Variants in SHROOM2 observed in about 807,000 individuals in gnomAD.
SHROOM2 encodes the protein protein Shroom2.
A neutral mutation model predicts 75.9 loss-of-function variants in SHROOM2; 33 were observed. The observed-to-expected ratio is 0.43, with a 90% confidence interval of 0.33 to 0.58. SHROOM2 has a LOEUF of 0.58. SHROOM2 is among the 20% of genes least tolerant of loss of function. The pLI is 0.04. For missense variants in SHROOM2, 1,434 were observed against 1,461.2 expected (o/e 0.98, Z 0.30); for synonymous variants, 655 against 663.6 (o/e 0.99, Z 0.20).
intron 5 of SHROOM2, among the ~76,000 whole-genome samples, chrX:9,903,608 A>T (rs1477610096): frequency 9.0e-6 from 1 of 110,729 alleles, no homozygotes; most frequent in African/African-American, 3.3e-5. Flanking sequence ...CAGTAGTGCG[A>T]CCTCTGCTCA....
intron 1 of SHROOM2, among the ~76,000 whole-genome samples, chrX:9,794,724 G>A (rs1343037696): frequency 1.8e-5 from 2 of 111,778 alleles, no homozygotes; most frequent in Admixed American, 9.6e-5. Context: ...TTTACTGCCC[G>A]TGACTCTGGC....
At chrX:9,923,811 A>G (rs2084569769) in intron 5 of SHROOM2, among the ~76,000 whole-genome samples, 1 of 112,375 alleles carries the variant, frequency 8.9e-6, no homozygotes, top group Middle Eastern at 4.6e-3. Context: ...CCCCTCGAGA[A>G]ATCAGTGCCT....
chrX:9,814,465 C>G (rs768091684), intron 1 of SHROOM2, among the ~76,000 whole-genome samples: 3 of 111,096 alleles, frequency 2.7e-5, no homozygotes, highest in Non-Finnish European at 5.7e-5. Flanking sequence ...TAGCGCACCT[C>G]CTCATGGGTC....
intron 1 of SHROOM2, among the ~76,000 whole-genome samples, chrX:9,799,020 G>T: frequency 9.0e-6 from 1 of 110,986 alleles, no homozygotes; most frequent in Non-Finnish European, 1.9e-5. Context: ...TTAGTGGCTG[G>T]TGTTTTGGGG....
chrX:9,856,024 CTTTTTTTTTTT>C (rs35234850), intron 1 of SHROOM2, among the ~76,000 whole-genome samples: 3 of 84,290 alleles, frequency 3.6e-5, no homozygotes, highest in East Asian at 3.8e-4. Context: ...AGAATGTTTC[CTTTTTTTTTTT>C]TTTTTTTTTA....
At position 9,894,867 on chromosome X, in the gene SHROOM2, C is replaced by A. The variant is rs768056959; in HGVS notation, c.959C>A (p.Pro320His). ...APSSPPPPPPPLRSDSFAATK... is the reference protein window; with the variant it reads ...APSSPPPPPPHLRSDSFAATK... ...TCATCCCCACCTCCTCCCCCTCCCC[C>A]TCTCCGCAGTGACAGCTTTGCTGCC... Residue 320 changes from proline to histidine, a missense_variant, in exon 4 of 10, where the codon CCT becomes CAT. This residue lies in a region of SHROOM2 where 1,340 missense variants were observed against 1,338.3 expected (regional missense o/e 1.00). Coordinates refer to ENST00000380913, the MANE Select transcript of SHROOM2 (RefSeq NM_001649.4). 2.5e-6 allele frequency: 3 copies of A among 1,211,389 alleles called. No homozygotes were observed. Among genetic ancestry groups the A allele is most frequent in the East Asian group, 5.9e-5 (2 of 33,829 alleles).
At chrX:9,900,116 G>T (rs2084357935) in intron 5 of SHROOM2, among the ~76,000 whole-genome samples, 1 of 111,524 alleles carries the variant, frequency 9.0e-6, no homozygotes, top group Non-Finnish European at 1.9e-5. Context: ...TCTCCCAGCA[G>T]ACTGCATAAC....
At chrX:9,834,354 C>T (rs1257953550) in intron 1 of SHROOM2, among the ~76,000 whole-genome samples, 3 of 112,153 alleles carry the variant, frequency 2.7e-5, no homozygotes, top group Non-Finnish European at 5.6e-5. Flanking sequence ...TCAGACACTC[C>T]GTGTGGTGTT....
chrX:9,856,980 C>A (rs1340467271), intron 1 of SHROOM2, among the ~76,000 whole-genome samples: 14 of 112,378 alleles, frequency 1.2e-4, no homozygotes, highest in Non-Finnish European at 2.4e-4. Flanking sequence ...GAGGGCAGGG[C>A]TGATGGCTGC....
chrX:9,858,639 T>C (rs1432476965), intron 1 of SHROOM2, among the ~76,000 whole-genome samples: 2 of 110,579 alleles, frequency 1.8e-5, no homozygotes, highest in Non-Finnish European at 3.8e-5. Flanking sequence ...CCGTGTCTAC[T>C]AAAAATACAA....
intron 1 of SHROOM2, among the ~76,000 whole-genome samples, chrX:9,832,617 GACGA>G (rs1170927740): frequency 9.0e-6 from 1 of 111,440 alleles, no homozygotes; most frequent in East Asian, 2.9e-4. Flanking sequence ...CAGCACACTA[GACGA>G]ACCAGCAGGA....
At chrX:9,816,740 C>T (rs773651789) in intron 1 of SHROOM2, among the ~76,000 whole-genome samples, 6 of 110,851 alleles carry the variant, frequency 5.4e-5, no homozygotes, top group African/African-American at 2.0e-4. Flanking sequence ...ACGGTGTCCC[C>T]CCTTAGACAT....
intron 8 of SHROOM2, among the ~76,000 whole-genome samples, chrX:9,940,800 A>T (rs776017175): frequency 2.7e-4 from 30 of 112,109 alleles, no homozygotes; most frequent in Non-Finnish European, 4.7e-4. Context: ...TCAGGGGAAC[A>T]TATGAGACCC....
At chrX:9,800,259 G>T (rs892792197) in intron 1 of SHROOM2, among the ~76,000 whole-genome samples, 9 of 111,803 alleles carry the variant, frequency 8.0e-5, no homozygotes, top group Admixed American at 1.9e-4. Flanking sequence ...TACTTCTCAT[G>T]CTCTTGCTGG....
At chrX:9,882,586 ACTC>A (rs2084238071) in intron 2 of SHROOM2, among the ~76,000 whole-genome samples, 1 of 111,004 alleles carries the variant, frequency 9.0e-6, no homozygotes, top group Non-Finnish European at 1.9e-5. Flanking sequence ...GGTCTGCTCC[ACTC>A]CTCTGTTCTG....
At chrX:9,908,672 C>A (rs2084404189) in intron 5 of SHROOM2, among the ~76,000 whole-genome samples, 2 of 110,707 alleles carry the variant, frequency 1.8e-5, no homozygotes, top group African/African-American at 6.6e-5. Context: ...GAGTGGATTC[C>A]TAGGCCAGGC....
chrX:9,944,630 G>T lies in SHROOM2; in HGVS notation c.4312-11G>T. The T allele has an allele frequency of 8.3e-7, 1 of 1,198,752 alleles. No homozygotes were observed. The highest frequency in any genetic ancestry group is 1.7e-5 in the African/African-American group (1 of 57,579). The stretch of plus-strand genomic sequence containing the variant: ...TGTCTCCGTGTTCCCTTGCCATCCC[G>T]TGCCCAACAGCAGGAGCTCATCGAG... On this transcript the variant is annotated splice_polypyrimidine_tract_variant and intron_variant, in intron 8 of 9. Transcript: ENST00000380913.
At chrX:9,846,747 CTT>C (rs748814564) in intron 1 of SHROOM2, among the ~76,000 whole-genome samples, 2 of 112,547 alleles carry the variant, frequency 1.8e-5, no homozygotes, top group Non-Finnish European at 3.8e-5. Context: ...CCTATCGTCT[CTT>C]TCATCTTTCC....
At chrX:9,898,349 G>T in intron 5 of SHROOM2, 59 bp downstream of exon 5, 1 of 887,662 alleles carries the variant, frequency 1.1e-6, no homozygotes, top group Non-Finnish European at 1.6e-6. Flanking sequence ...GCTTCTGTAC[G>T]ATGGGTGGGT....
Sources: allele counts gnomAD v4.1 joint callset (sites outside exome capture counted in the v4.1 genomes callset), GRCh38; gene constraint gnomAD v4.1.1; regional missense constraint gnomAD v4.1.1; transcripts MANE v1.5; gene names NCBI Gene and HGNC (gene_info 2026-07-23, HGNC 2026-07-21).